TRAPPC9: variants seen among roughly 807,000 people sequenced by gnomAD.
The protein encoded by TRAPPC9 is IKK2 binding protein.
Under a neutral mutation model 124.0 loss-of-function variants are expected in TRAPPC9, and 83 were observed. The ratio of observed to expected loss-of-function variants is 0.67; its 90% CI spans 0.56 to 0.80. The LOEUF is 0.80. Among genes scored for constraint, TRAPPC9 ranks in the 30% least tolerant of loss-of-function variants. The pLI is 0.00. For missense variants in TRAPPC9, 1,302 were observed against 1,508.3 expected (o/e 0.86, Z 2.27); for synonymous variants, 638 against 617.5 (o/e 1.03, Z -0.49).
chr8:140,037,647 A>G (rs1840983688), intron 17 of TRAPPC9, among the ~76,000 whole-genome samples: 1 of 149,614 alleles, frequency 6.7e-6, no homozygotes, highest in South Asian at 2.1e-4. Flanking sequence ...CAAAACACAC[A>G]CCATACACAT....
intron 17 of TRAPPC9, chr8:140,096,006 C>G (rs914285903): frequency 3.3e-5 from 5 of 152,240 alleles, no homozygotes; most frequent in African/African-American, 1.2e-4. Context: ...AACGGTACTA[C>G]CTGCTTGGCT....
At chr8:140,028,310 C>T (rs1587532108) in intron 17 of TRAPPC9, among the ~76,000 whole-genome samples, 1 of 152,132 alleles carries the variant, frequency 6.6e-6, no homozygotes, top group East Asian at 1.9e-4. Context: ...TTACAGAAAT[C>T]ATAAACGAGG....
intron 17 of TRAPPC9, among the ~76,000 whole-genome samples, chr8:140,204,484 G>T (rs1430550188): frequency 8.7e-6 from 1 of 114,316 alleles, no homozygotes; most frequent in Admixed American, 1.1e-4. Context: ...TGGGTGGGGG[G>T]AGGGGGGAGG....
chr8:139,787,207 C>A (rs149099297), intron 21 of TRAPPC9, among the ~76,000 whole-genome samples: 1 of 151,756 alleles, frequency 6.6e-6, no homozygotes, highest in African/African-American at 2.4e-5. Context: ...TCACAGCCTG[C>A]GGGAATGGCC....
chr8:140,071,412 G>C (rs1190461397), intron 17 of TRAPPC9, among the ~76,000 whole-genome samples: 1 of 152,186 alleles, frequency 6.6e-6, no homozygotes, highest in Non-Finnish European at 1.5e-5. Flanking sequence ...CTGTGGGCAA[G>C]GAGACTGGCA....
chr8:139,822,629 G>A (rs1825328579), intron 21 of TRAPPC9, among the ~76,000 whole-genome samples: 1 of 152,136 alleles, frequency 6.6e-6, no homozygotes, highest in Admixed American at 6.5e-5. Flanking sequence ...GATGGCGGGG[G>A]GGGGCTGCCT....
intron 19 of TRAPPC9, among the ~76,000 whole-genome samples, chr8:139,960,861 T>C (rs1395370765): frequency 8.0e-6 from 1 of 125,088 alleles, no homozygotes; most frequent in African/African-American, 2.5e-5. Flanking sequence ...AGTCACAATC[T>C]GTTCCCAGTG....
chr8:139,983,267 C>A (rs576250349), intron 19 of TRAPPC9, among the ~76,000 whole-genome samples: 5 of 152,242 alleles, frequency 3.3e-5, no homozygotes, highest in African/African-American at 4.8e-5. Context: ...ATCTGCCCAG[C>A]GTCTTGATCT....
chr8:140,386,928 T>C lies in TRAPPC9; in HGVS notation c.1134+10692A>G, dbSNP rs2068769604. ...CTGACTTCAAACTATACTACAAGGC[T>C]ACAGTAACCAAAACAGCATGGTACT... On this transcript the variant is annotated intron_variant, in intron 7 of 22. Coordinates refer to ENST00000438773, the MANE Select transcript of TRAPPC9 (RefSeq NM_001160372.4). Among the ~76,000 whole-genome samples, 3 of 152,172 alleles carry C rather than the reference T, an allele frequency of 2.0e-5. No individual in the cohort carries two copies. In the South Asian group the frequency reaches 6.2e-4, roughly 31 times the overall value.
chr8:140,119,627 T>C (rs888898981), intron 17 of TRAPPC9, among the ~76,000 whole-genome samples: 2 of 152,208 alleles, frequency 1.3e-5, no homozygotes, highest in African/African-American at 4.8e-5. Flanking sequence ...ATATACACAC[T>C]TGAGTACATA....
chr8:140,027,005 C>T (rs953846542), intron 17 of TRAPPC9, among the ~76,000 whole-genome samples: 3 of 152,222 alleles, frequency 2.0e-5, no homozygotes, highest in Non-Finnish European at 4.4e-5. Flanking sequence ...ACGTCTCAGA[C>T]CTCTTACATT....
intron 1 of TRAPPC9, among the ~76,000 whole-genome samples, chr8:140,452,147 G>A (rs1303623496): frequency 4.1e-5 from 6 of 147,730 alleles, no homozygotes; most frequent in Non-Finnish European, 7.4e-5. Context: ...GAGGCGGGGC[G>A]CAGTGGCTCA....
intron 21 of TRAPPC9, among the ~76,000 whole-genome samples, chr8:139,792,197 C>T (rs1822738757): frequency 6.6e-6 from 1 of 152,198 alleles, no homozygotes; most frequent in Admixed American, 6.5e-5. Flanking sequence ...GACACTCAGA[C>T]AGCAGGTTTA....
At position 139,809,255 on chromosome 8, in the gene TRAPPC9, G is replaced by A. The variant is rs147564689; in HGVS notation, c.3055+76624C>T. On this transcript the variant is annotated intron_variant, in intron 21 of 22. Transcript: ENST00000438773. Reference sequence around the variant, plus strand: ...GAAACTGACTTCACAGTACAGTCCTGTCCAAAGGCAGATGCAGCAGTCTGC... The same window carrying A: ...GAAACTGACTTCACAGTACAGTCCTATCCAAAGGCAGATGCAGCAGTCTGC... Among the ~76,000 whole-genome samples, 180 of 152,330 alleles carry A rather than the reference G, an allele frequency of 1.2e-3. 1 individual carries two copies. The highest frequency in any genetic ancestry group is 4.0e-3 in the African/African-American group (166 of 41,568).
At chr8:140,017,797 G>A (rs566321595) in intron 18 of TRAPPC9, among the ~76,000 whole-genome samples, 1 of 152,084 alleles carries the variant, frequency 6.6e-6, no homozygotes, top group Admixed American at 6.5e-5. Flanking sequence ...ATCAGTTCGG[G>A]GAAAACCACT....
chr8:139,881,671 A>G (rs980632837), intron 21 of TRAPPC9, among the ~76,000 whole-genome samples: 1 of 101,438 alleles, frequency 9.9e-6, no homozygotes, highest in Non-Finnish European at 2.0e-5. Context: ...ACTGCTAACC[A>G]TCTCTCTATG....
In TRAPPC9 at chr8:139,992,572, A is replaced by G. The variant is rs564210739; in HGVS notation, c.2700-3736T>C. Among the ~76,000 whole-genome samples, 5 of 151,552 alleles carry G rather than the reference A, an allele frequency of 3.3e-5. No homozygotes were observed. The East Asian group carries it at 9.7e-4, about 29-fold the overall frequency. ...CTCTTTCCAAATTTCTATAAACTCA[A>G]TGCAACTCAATAAGAAAAATCCCAA... On this transcript the variant is annotated intron_variant, in intron 18 of 22. Transcript: ENST00000438773.
chr8:140,380,194 A>G (rs934854320), intron 7 of TRAPPC9, among the ~76,000 whole-genome samples: 1 of 152,242 alleles, frequency 6.6e-6, no homozygotes, highest in East Asian at 1.9e-4. Context: ...AAAATTTACT[A>G]CAAAGCTATA....
At chr8:140,198,975 C>T (rs1287425234) in intron 17 of TRAPPC9, among the ~76,000 whole-genome samples, 1 of 152,230 alleles carries the variant, frequency 6.6e-6, no homozygotes, top group Non-Finnish European at 1.5e-5. Flanking sequence ...GATGCCAGCA[C>T]AGCAGGCTGA....
Sources: gnomAD v4.1 joint callset for allele counts (sites outside exome capture counted in the v4.1 genomes callset) on GRCh38, gnomAD v4.1.1 for gene constraint, MANE v1.5 for transcripts, NCBI Gene and HGNC (gene_info 2026-07-23, HGNC 2026-07-21) for gene names.